Variants in TMEM178B observed in about 807,000 individuals in gnomAD.
TMEM178B encodes transmembrane protein 178B.
Under a neutral mutation model 31.0 loss-of-function variants are expected in TMEM178B, and 5 were observed. That is an observed-to-expected ratio of 0.16 (90% CI 0.08 to 0.34). The LOEUF (loss-of-function observed/expected upper bound fraction) is 0.34. TMEM178B is among the 10% of genes least tolerant of loss of function. The pLI is 1.00. For synonymous variants in TMEM178B, 164 were observed against 164.0 expected, an observed-to-expected ratio of 1.00 and a Z score of 0.00; for missense variants, 275 against 400.3, an observed-to-expected ratio of 0.69 and a Z score of 2.67.
At chr7:141,362,235 C>T (rs1270402191) in intron 2 of TMEM178B, among the ~76,000 whole-genome samples, 5 of 152,250 alleles carry the variant, frequency 3.3e-5, no homozygotes, top group Non-Finnish European at 5.9e-5. Context: ...TGGGTGTCAG[C>T]AGTAGGCCCT....
At chr7:141,290,414 G>A (rs1586873431) in intron 2 of TMEM178B, among the ~76,000 whole-genome samples, 1 of 152,196 alleles carries the variant, frequency 6.6e-6, no homozygotes, top group Non-Finnish European at 1.5e-5. Flanking sequence ...GGCTTAGTGT[G>A]TCCTTATAGG....
intron 2 of TMEM178B, among the ~76,000 whole-genome samples, chr7:141,397,913 G>T (rs575243401): frequency 4.6e-5 from 7 of 152,222 alleles, no homozygotes; most frequent in Non-Finnish European, 7.3e-5. Flanking sequence ...TGGGGACTCA[G>T]AAGAGAGCTA....
the TMEM178B span, among the ~76,000 whole-genome samples, chr7:141,486,890 G>A: frequency 6.6e-6 from 1 of 152,106 alleles, no homozygotes; most frequent in African/African-American, 2.4e-5. Flanking sequence ...TCAGGGAAAA[G>A]GAATGGAGGT....
At chr7:141,482,639 T>G (rs577841604), downstream of TMEM178B, among the ~76,000 whole-genome samples, 2 of 152,312 alleles carry the variant, frequency 1.3e-5, no homozygotes, top group South Asian at 2.1e-4. Context: ...TTCAATGATT[T>G]GTCTGAAGGA....
At position 141,074,721 on chromosome 7, in the gene TMEM178B, G is replaced by A; in HGVS notation, c.382+29G>A. On this transcript the variant is annotated intron_variant, in intron 1 of 3. Coordinates refer to ENST00000565468, the MANE Select transcript of TMEM178B (RefSeq NM_001195278.2). The surrounding 1 kb of genome is among the most constrained non-coding windows in gnomAD (Gnocchi z 5.1). The stretch of plus-strand genomic sequence containing the variant: ...AGCGCCGGGCGCAAGGCGTGGCGCT[G>A]CGGAGAGCCCGGCGCCTTTAGGCCC... The A allele has an allele frequency of 6.9e-7, 1 of 1,449,988 alleles. No individual in the cohort carries two copies. The highest frequency in any genetic ancestry group is 1.4e-5 in the African/African-American group (1 of 70,192). 89.8% of individuals were successfully genotyped at this position (1,449,988 alleles called of 1,614,324 possible).
chr7:141,144,886 C>T (rs925444780), intron 1 of TMEM178B, among the ~76,000 whole-genome samples: 1 of 152,110 alleles, frequency 6.6e-6, no homozygotes, highest in Non-Finnish European at 1.5e-5. Context: ...TTTTCACTGA[C>T]CAGGCTCAGG....
chr7:141,221,075 GCAAGGATT>G (rs1342152271), intron 2 of TMEM178B, among the ~76,000 whole-genome samples: 1 of 152,110 alleles, frequency 6.6e-6, no homozygotes, highest in Non-Finnish European at 1.5e-5. Context: ...ACTTAAATCA[GCAAGGATT>G]CATTGCAGGG....
chr7:141,439,909 A>C (rs898883509), intron 3 of TMEM178B, among the ~76,000 whole-genome samples: 1 of 152,194 alleles, frequency 6.6e-6, no homozygotes, highest in African/African-American at 2.4e-5. Context: ...CTCTTTGACA[A>C]CTTCCCTCTG....
intron 1 of TMEM178B, among the ~76,000 whole-genome samples, chr7:141,154,136 A>G (rs1023436825): frequency 5.9e-5 from 9 of 152,254 alleles, no homozygotes; most frequent in Non-Finnish European, 1.2e-4. Flanking sequence ...AAATGCGGTC[A>G]GCTGGGGGCT....
chr7:141,400,977 C>G (rs1800751393), intron 2 of TMEM178B, among the ~76,000 whole-genome samples: 1 of 152,194 alleles, frequency 6.6e-6, no homozygotes, highest in African/African-American at 2.4e-5. Context: ...CTGAGCATCT[C>G]CTCCTTCAGA....
At chr7:141,400,138 C>T (rs1800733792) in intron 2 of TMEM178B, among the ~76,000 whole-genome samples, 1 of 152,182 alleles carries the variant, frequency 6.6e-6, no homozygotes, top group Admixed American at 6.5e-5. Context: ...TGCAGGGATT[C>T]TTCTAGTAGA....
chr7:141,370,812 A>T (rs976237214), intron 2 of TMEM178B, among the ~76,000 whole-genome samples: 8 of 152,246 alleles, frequency 5.3e-5, no homozygotes, highest in Non-Finnish European at 1.2e-4. Context: ...GGATATGCAC[A>T]TTGGTCTCCA....
chr7:141,356,443 G>A (rs931711542), intron 2 of TMEM178B, among the ~76,000 whole-genome samples: 1 of 151,694 alleles, frequency 6.6e-6, no homozygotes, highest in African/African-American at 2.4e-5. Context: ...TCTCATTGTG[G>A]TTTTGATTTA....
At chr7:141,290,356 C>T (rs184342319) in intron 2 of TMEM178B, among the ~76,000 whole-genome samples, 76 of 152,332 alleles carry the variant, frequency 5.0e-4, no homozygotes, top group African/African-American at 1.7e-3. Context: ...GGAGGTGTGG[C>T]TTACTAACAC....
chr7:141,119,938 T>G (rs1410287816), intron 1 of TMEM178B, among the ~76,000 whole-genome samples: 1 of 152,224 alleles, frequency 6.6e-6, no homozygotes, highest in Non-Finnish European at 1.5e-5. Context: ...AGGCATAGTC[T>G]GCTTTTATTG....
At chr7:141,354,197 G>C (rs1799781162) in intron 2 of TMEM178B, among the ~76,000 whole-genome samples, 1 of 152,190 alleles carries the variant, frequency 6.6e-6, no homozygotes, top group African/African-American at 2.4e-5. Flanking sequence ...CCAGGAGGCA[G>C]TAGCAATATA....
intron 1 of TMEM178B, among the ~76,000 whole-genome samples, chr7:141,143,713 C>T (rs1795810039): frequency 6.6e-6 from 1 of 151,950 alleles, no homozygotes; most frequent in African/African-American, 2.4e-5. Context: ...TTTTTTGGGT[C>T]CATATAAATG....
chr7:141,170,474 G>A (rs1480976849), intron 1 of TMEM178B, among the ~76,000 whole-genome samples: 9 of 152,106 alleles, frequency 5.9e-5, no homozygotes, highest in African/African-American at 2.2e-4. Context: ...ATCTGAGTAT[G>A]CCTCATAGTG....
At chr7:141,228,519 C>A (rs1452702824) in intron 2 of TMEM178B, among the ~76,000 whole-genome samples, 1 of 152,150 alleles carries the variant, frequency 6.6e-6, no homozygotes, top group Non-Finnish European at 1.5e-5. Context: ...TAATTCAACA[C>A]CATCCCAGGC....
Sources: gnomAD v4.1 joint callset for allele counts (sites outside exome capture counted in the v4.1 genomes callset) on GRCh38, gnomAD v4.1.1 for gene constraint, Gnocchi (gnomAD v3.1) non-coding constraint, MANE v1.5 for transcripts, NCBI Gene and HGNC (gene_info 2026-07-23, HGNC 2026-07-21) for gene names.